The following SORL1 variants were observed in gnomAD, a reference collection of about 807,000 sequenced individuals.
SORL1 encodes the protein sortilin related receptor 1.
A neutral mutation model predicts 273.7 loss-of-function variants in SORL1; 127 were observed. That is an observed-to-expected ratio of 0.46 (90% CI 0.40 to 0.54). The LOEUF is 0.54. Among genes scored for constraint, SORL1 ranks in the 20% least tolerant of loss-of-function variants. SORL1 has a pLI of 0.00. For missense variants in SORL1, 2,494 were observed against 2,846.1 expected, an observed-to-expected ratio of 0.88 and a Z score of 2.81; for synonymous variants, 1,031 against 1,067.4, an observed-to-expected ratio of 0.97 and a Z score of 0.66.
intron 31 of SORL1, among the ~76,000 whole-genome samples, chr11:121,592,635 T>C (rs1245715811): frequency 2.0e-5 from 3 of 152,222 alleles, no homozygotes; most frequent in Non-Finnish European, 4.4e-5. Context: ...CCATAGCCAT[T>C]GTGTGGACTT....
At chr11:121,528,748 C>A (rs1862159873) in intron 11 of SORL1, among the ~76,000 whole-genome samples, 1 of 152,112 alleles carries the variant, frequency 6.6e-6, no homozygotes, top group Non-Finnish European at 1.5e-5. Flanking sequence ...TGATTTCAGT[C>A]CCTTTAGATT....
At chr11:121,534,557 G>A (rs1226247258) in intron 12 of SORL1, among the ~76,000 whole-genome samples, 1 of 152,162 alleles carries the variant, frequency 6.6e-6, no homozygotes, top group Non-Finnish European at 1.5e-5. Flanking sequence ...TTGAAAATAC[G>A]AAAATACATA....
At position 121,504,741 on chromosome 11, in the gene SORL1, G is replaced by A. The variant is rs574979384; in HGVS notation, c.939+7692G>A. 2.0e-5 allele frequency among the ~76,000 whole-genome samples: 3 copies of A among 152,254 alleles called. No individual in the cohort carries two copies. The South Asian group carries it at 6.2e-4, about 32-fold the overall frequency. ...ACCTCTAGTAAAATGTTGACTAGGAGTGGAGAGAGTAGGCATCCTTGTCTT... is the reference window on the plus strand; with the variant it reads ...ACCTCTAGTAAAATGTTGACTAGGAATGGAGAGAGTAGGCATCCTTGTCTT... On this transcript the variant is annotated intron_variant, in intron 6 of 47. Coordinates refer to ENST00000260197, the MANE Select transcript of SORL1 (RefSeq NM_003105.6).
chr11:121,612,573 A>C (rs1038170270), intron 39 of SORL1, 163 bp from the exon 40 acceptor site: 12 of 535,730 alleles, frequency 2.2e-5, no homozygotes, highest in African/African-American at 3.8e-5. Flanking sequence ...TAATGGTAGC[A>C]CAAGTAGAAC....
rs183887672 is a variant in SORL1 at position 121,478,788 on chromosome 11, G to A, written c.528+545G>A. Among the ~76,000 whole-genome samples, 200 of 150,138 alleles carry A rather than the reference G, an allele frequency of 1.3e-3. 2 individuals are homozygous for A. Among genetic ancestry groups the A allele is most frequent in the African/African-American group, 4.6e-3 (186 of 40,808 alleles). ...TGTGTGGATGTGCATGCTTGTGTGC[G>A]CGTGAGTACCTTTGTGTGTGTGCTT... is the stretch of plus-strand genomic sequence containing the variant. On this transcript the variant is annotated intron_variant, in intron 3 of 47. Coordinates refer to ENST00000260197, the MANE Select transcript of SORL1 (RefSeq NM_003105.6).
chr11:121,616,586 G>C (rs1204775026), intron 41 of SORL1, among the ~76,000 whole-genome samples: 1 of 152,190 alleles, frequency 6.6e-6, no homozygotes, highest in African/African-American at 2.4e-5. Context: ...CCCATCTCAT[G>C]CTTTGCAGCT....
intron 14 of SORL1, among the ~76,000 whole-genome samples, chr11:121,547,688 T>C (rs1343758708): frequency 6.6e-6 from 1 of 152,064 alleles, no homozygotes; most frequent in East Asian, 1.9e-4. Flanking sequence ...AAGGGGTATA[T>C]GGATGTCAGC....
chr11:121,545,493 A>G (rs1402190477), intron 14 of SORL1, 64 bp downstream of exon 14: 18 of 1,475,456 alleles, frequency 1.2e-5, no homozygotes, highest in Non-Finnish European at 1.6e-5. Flanking sequence ...TGTTGGGGGA[A>G]GAGATTAGGC....
At chr11:121,557,157 A>G in intron 18 of SORL1, 157 bp from the exon 19 acceptor site, 2 of 656,832 alleles carry the variant, frequency 3.0e-6, no homozygotes, top group Non-Finnish European at 5.5e-6. Context: ...CATTGTGACT[A>G]GAAGTTGGGG....
intron 31 of SORL1, among the ~76,000 whole-genome samples, chr11:121,594,349 C>T (rs1004745132): frequency 1.3e-5 from 2 of 151,870 alleles, no homozygotes; most frequent in Non-Finnish European, 2.9e-5. Flanking sequence ...CTCTTATTTC[C>T]TGGAACTCTT....
Position 121,563,445 on chromosome 11 carries a change from G to C in SORL1, c.3050-3495G>C, listed in dbSNP as rs1862707303. On this transcript the variant is annotated intron_variant, in intron 21 of 47. Coordinates refer to ENST00000260197, the MANE Select transcript of SORL1 (RefSeq NM_003105.6). The surrounding 1 kb of genome is among the most constrained non-coding windows in gnomAD (Gnocchi z 4.2). Reference sequence around the variant, plus strand: ...GAGTCTCGTTCTGTTACCCCGGCTGGAGTGCAGTGATGTGATCTTGGCTCA... The same window carrying C: ...GAGTCTCGTTCTGTTACCCCGGCTGCAGTGCAGTGATGTGATCTTGGCTCA... Among the ~76,000 whole-genome samples the C allele has an allele frequency of 6.6e-6, 1 of 152,128 alleles. No homozygotes were observed. Among genetic ancestry groups the C allele is most frequent in the Non-Finnish European group, 1.5e-5 (1 of 68,016 alleles).
At chr11:121,538,176 G>A (rs12293962) in intron 12 of SORL1, among the ~76,000 whole-genome samples, 1,059 of 75,866 alleles carry the variant, frequency 0.014, 11 homozygotes, top group African/African-American at 0.046. Flanking sequence ...TCAAACTGGT[G>A]GCTCCTATTT....
At chr11:121,576,973 C>G (rs1239870965) in intron 24 of SORL1, 5 of 1,503,706 alleles carry the variant, frequency 3.3e-6, no homozygotes, top group South Asian at 1.2e-5. Context: ...CCCATCATAG[C>G]AAGCATAGAA....
chr11:121,489,788 G>A (rs925949962), intron 4 of SORL1, among the ~76,000 whole-genome samples: 1 of 152,192 alleles, frequency 6.6e-6, no homozygotes, highest in East Asian at 1.9e-4. Flanking sequence ...ATAATTTTTG[G>A]TAATCCATAA....
At position 121,630,702 on chromosome 11, in the gene SORL1, A is replaced by G. The variant is rs1050078458; in HGVS notation, c.*1139A>G. Reference sequence around the variant, plus strand: ...TAAAGAGACAGTGCTGTACATTCTCATAGAGATAGAGAAGATCTAAAAAGT... The same window carrying G: ...TAAAGAGACAGTGCTGTACATTCTCGTAGAGATAGAGAAGATCTAAAAAGT... On this transcript the variant is annotated 3_prime_UTR_variant, in exon 48 of 48. Transcript: ENST00000260197. 6.6e-6 allele frequency: 1 copy of G among 152,168 alleles called. No individual in the cohort carries two copies. The highest frequency in any genetic ancestry group is 1.5e-5 in the Non-Finnish European group (1 of 68,034). 9.4% of individuals were successfully genotyped at this position (152,168 alleles called of 1,614,324 possible).
intron 44 of SORL1, 82 bp downstream of exon 44, chr11:121,621,320 C>G: frequency 1.6e-6 from 2 of 1,276,626 alleles, no homozygotes; most frequent in Non-Finnish European, 2.2e-6. Flanking sequence ...ACAGACTTTT[C>G]ATTAGGCGTT....
rs12278491 is a variant in SORL1, at chr11:121,489,276, G to A, written c.691-767G>A. Among the ~76,000 whole-genome samples the A allele has an allele frequency of 5.0e-3, 754 of 152,260 alleles. 11 individuals carry two copies. The highest frequency in any genetic ancestry group is 0.017 in the African/African-American group (691 of 41,554). On this transcript the variant is annotated intron_variant, in intron 4 of 47. Transcript: ENST00000260197. ...CTGTTTTGACCCTTTTAAGCATGCAGTGTAGTGATATTGAGTATATTCATA... is the reference window on the plus strand; with the variant it reads ...CTGTTTTGACCCTTTTAAGCATGCAATGTAGTGATATTGAGTATATTCATA...
chr11:121,557,217 G>C, intron 18 of SORL1, 97 bp from the exon 19 acceptor site: 1 of 868,168 alleles, frequency 1.2e-6, no homozygotes, highest in Non-Finnish European at 2.0e-6. Flanking sequence ...CATGGAGGGG[G>C]CATGTCTGTA....
At chr11:121,587,904 G>A (rs1046646983) in intron 27 of SORL1, 116 bp from the exon 28 acceptor site, 3 of 1,216,000 alleles carry the variant, frequency 2.5e-6, no homozygotes, top group Non-Finnish European at 3.5e-6. Context: ...AATAAATTGT[G>A]GCTTTTACTG....
Sources: allele counts gnomAD v4.1 joint callset (sites outside exome capture counted in the v4.1 genomes callset), GRCh38; gene constraint gnomAD v4.1.1; non-coding constraint Gnocchi (gnomAD v3.1); transcripts MANE v1.5; gene names NCBI Gene and HGNC (gene_info 2026-07-23, HGNC 2026-07-21).